Variants in SLC34A2 observed in about 807,000 individuals in gnomAD.
SLC34A2 encodes solute carrier family 34 member 2, also known as sodium-dependent phosphate transport protein 2B.
A neutral mutation model predicts 50.8 loss-of-function variants in SLC34A2; 41 were observed. The ratio of observed to expected loss-of-function variants is 0.81; its 90% CI spans 0.63 to 1.05. SLC34A2 has a LOEUF of 1.05. Ranked by LOEUF, SLC34A2 falls within the 50% of genes least tolerant of loss-of-function variation. The pLI, the probability that SLC34A2 is intolerant of heterozygous loss-of-function variation, is 0.00. For missense variants in SLC34A2, 879 were observed against 876.7 expected (o/e 1.00, Z -0.03); for synonymous variants, 401 against 364.2 (o/e 1.10, Z -1.15).
chr4:25,675,570 A>G (rs763992004), intron 12 of SLC34A2, among the ~76,000 whole-genome samples: 17 of 152,262 alleles, frequency 1.1e-4, no homozygotes, highest in Non-Finnish European at 8.8e-5. Flanking sequence ...TTTTAAAAGT[A>G]GAAACAGGCT....
At chr4:25,672,900 CAT>C (rs1714893936) in intron 9 of SLC34A2, among the ~76,000 whole-genome samples, 185 bp from the exon 10 acceptor site, 1 of 152,158 alleles carries the variant, frequency 6.6e-6, no homozygotes, top group African/African-American at 2.4e-5. Flanking sequence ...CTGATTATGA[CAT>C]AGTTTCAGTG....
intron 4 of SLC34A2, 42 bp from the exon 5 acceptor site, chr4:25,666,086 T>A (rs751073829): frequency 6.2e-6 from 10 of 1,608,130 alleles, no homozygotes; most frequent in Non-Finnish European, 7.6e-6. Context: ...TCCCCCTCGA[T>A]CACGTTGTGA....
chr4:25,676,452 C>G lies in SLC34A2; in HGVS notation c.1776C>G (p.Phe592Leu). The G allele has an allele frequency of 6.2e-7, 1 of 1,614,206 alleles. No homozygotes were observed. The highest frequency in any genetic ancestry group is 8.5e-7 in the Non-Finnish European group (1 of 1,180,028). The change falls in exon 13 of 13, where the codon TTC becomes TTG. Residue 592 changes from phenylalanine to leucine, a missense_variant. Transcript: ENST00000382051. ...VLPKKLQNWN[F>L]LPLWMRSLKP... ...CGAAGAAACTCCAGAACTGGAACTT[C>G]CTGCCGCTGTGGATGCGCTCGCTGA...
At chr4:25,664,387 T>C (rs1440744015) in intron 4 of SLC34A2, 57 bp downstream of exon 4, 2 of 1,605,070 alleles carry the variant, frequency 1.2e-6, no homozygotes, top group Non-Finnish European at 1.7e-6. Flanking sequence ...GAAATGTGGT[T>C]CCGAGAGTAA....
rs1398555698 is a variant in SLC34A2 at position 25,678,312 on chromosome 4, A to G, written c.*1563A>G. On this transcript the variant is annotated 3_prime_UTR_variant, in exon 13 of 13. Coordinates refer to ENST00000382051, the MANE Select transcript of SLC34A2 (RefSeq NM_006424.3). ...CACAGCCCTGTACAGCATTTTTCAT[A>G]AGTTATATAGTAAATGGTCTGCATG... 6.5e-6 allele frequency: 1 copy of G among 154,014 alleles called. No individual in the cohort carries two copies. Among genetic ancestry groups the G allele is most frequent in the Admixed American group, 6.5e-5 (1 of 15,474 alleles). The allele number at this position is 154,014 out of a possible 1,614,324, so 9.5% of individuals were successfully genotyped here.
chr4:25,656,056 C>T (rs1410257996), intron 1 of SLC34A2, among the ~76,000 whole-genome samples, 166 bp downstream of exon 1: 1 of 152,244 alleles, frequency 6.6e-6, no homozygotes, highest in African/African-American at 2.4e-5. Flanking sequence ...TTGTTTTCTT[C>T]TTAATGTTAC....
chr4:25,676,574 G>A lies in SLC34A2; in HGVS notation c.1898G>A (p.Cys633Tyr), dbSNP rs1477308873. The A allele has an allele frequency of 1.9e-6, 3 of 1,613,116 alleles. No homozygotes were observed. The highest frequency in any genetic ancestry group is 2.7e-5 in the African/African-American group (2 of 74,924). The part of the protein sequence containing the change: ...RVCCRACCLL[C>Y]DCPKCCRCSK... ...TGCTGCCGCGCGTGCTGCTTGCTGTGTGACTGCCCCAAGTGCTGCCGCTGC... is the reference window on the plus strand; with the variant it reads ...TGCTGCCGCGCGTGCTGCTTGCTGTATGACTGCCCCAAGTGCTGCCGCTGC... Residue 633 changes from cysteine (C) to tyrosine (Y), a missense_variant, in exon 13 of 13, where the codon TGT (cysteine) becomes TAT (tyrosine). Transcript: ENST00000382051.
In SLC34A2 at chr4:25,674,520, C is replaced by G; in HGVS notation, c.1349C>G (p.Thr450Ser). 6.2e-7 allele frequency: 1 copy of G among 1,614,222 alleles called. No individual in the cohort carries two copies. The highest frequency in any genetic ancestry group is 8.5e-7 in the Non-Finnish European group (1 of 1,180,052). Residue 450 changes from threonine (T) to serine (S), a missense_variant, in exon 12 of 13, where the codon ACC becomes AGC. Transcript: ENST00000382051. Reference protein sequence around the residue: ...LTPLIGIGVITIERAYPLTLG... With the variant: ...LTPLIGIGVISIERAYPLTLG... ...TTTCCCCCAGGAATCGGCGTGATAA[C>G]CATTGAGAGGGCTTATCCACTCACG...
chr4:25,668,081 T>C (rs1469261003), intron 6 of SLC34A2, 90 bp downstream of exon 6: 2 of 829,034 alleles, frequency 2.4e-6, no homozygotes, highest in Non-Finnish European at 2.1e-6. Context: ...AAAGATGACA[T>C]GCTTATCAGG....
Position 25,676,172 on chromosome 4 carries a change from T to C in SLC34A2, c.1496T>C (p.Ile499Thr). 1.2e-6 allele frequency: 2 copies of C among 1,614,200 alleles called. No homozygotes were observed. The highest frequency in any genetic ancestry group is 1.7e-6 in the Non-Finnish European group (2 of 1,180,044). ...CACTTTTTCTTCAACATCTCCGGCA[T>C]CTTGCTGTGGTACCCGATCCCGTTC... ...LCHFFFNISG[I>T]LLWYPIPFTR... The change falls in exon 13 of 13, where the codon ATC becomes ACC. Residue 499 changes from isoleucine (I) to threonine (T), a missense_variant. Ile to Thr is a moderately conservative substitution (Grantham distance 89). Coordinates refer to ENST00000382051, the MANE Select transcript of SLC34A2 (RefSeq NM_006424.3).
rs777185101 is a variant in SLC34A2, at chr4:25,676,394, G to A, written c.1718G>A (p.Arg573Gln). ...ATCATCATCCTGGTACTGTGCCTCC[G>A]ACTCCTGCAGTCTCGCTGCCCACGC... is the stretch of plus-strand genomic sequence containing the variant. ...VFIIILVLCL[R>Q]LLQSRCPRVL... is the part of the protein sequence containing the mutation. The change falls in exon 13 of 13, where the codon CGA becomes CAA. Residue 573 changes from arginine (R) to glutamine (Q), a missense_variant. Transcript: ENST00000382051. 2 of 1,614,016 alleles carry A rather than the reference G, an allele frequency of 1.2e-6. No individual in the cohort carries two copies. Among genetic ancestry groups the A allele is most frequent in the South Asian group, 1.1e-5 (1 of 91,072 alleles).
At chr4:25,670,699 G>A (rs376213897) in intron 7 of SLC34A2, 39 bp from the exon 8 acceptor site, 316 of 1,524,538 alleles carry the variant, frequency 2.1e-4, no homozygotes, top group Non-Finnish European at 2.1e-4. Flanking sequence ...AATCGGTTCT[G>A]AGGATATGCT....
chr4:25,663,327 G>C (rs900414726), intron 3 of SLC34A2, among the ~76,000 whole-genome samples: 7 of 152,274 alleles, frequency 4.6e-5, no homozygotes, highest in Middle Eastern at 3.4e-3. Context: ...AATGTGCCAG[G>C]CACTGTGGTT....
chr4:25,669,707 G>A lies in SLC34A2; in HGVS notation c.696G>A (p.Leu232=), dbSNP rs1714711077. 1 of 1,614,138 alleles carries A rather than the reference G, an allele frequency of 6.2e-7. No individual in the cohort carries two copies. The highest frequency in any genetic ancestry group is 8.5e-7 in the Non-Finnish European group (1 of 1,180,020). The change falls in exon 7 of 13, where the codon TTG becomes TTA. Residue 232 remains leucine, a synonymous_variant. Transcript: ENST00000382051. ...ACTGGCTGTCCGTGTTGGTGCTCTTGCCCGTGGAGGTGGCCACCCATTACC... is the reference window on the plus strand; with the variant it reads ...ACTGGCTGTCCGTGTTGGTGCTCTTACCCGTGGAGGTGGCCACCCATTACC... ...FFNWLSVLVL[L]PVEVATHYLE...
chr4:25,656,406 A>G (rs901582621), intron 1 of SLC34A2: 33 of 152,268 alleles, frequency 2.2e-4, no homozygotes, highest in African/African-American at 7.5e-4. Context: ...CCCAAGTGTG[A>G]CTTCCACGTG....
intron 6 of SLC34A2, 106 bp downstream of exon 6, chr4:25,668,097 T>TAGGAA: frequency 3.9e-6 from 3 of 769,606 alleles, no homozygotes; most frequent in Non-Finnish European, 6.9e-6. Flanking sequence ...TCAGGTTCAT[T>TAGGAA]CCTGGAGTTC....
At chr4:25,673,316 C>T (rs1714925711) in intron 10 of SLC34A2, 62 bp downstream of exon 10, 1 of 1,487,382 alleles carries the variant, frequency 6.7e-7, no homozygotes, top group East Asian at 2.3e-5. Context: ...TGTGGGGGTC[C>T]TTTAGATTCC....
At chr4:25,659,313 G>GAC (rs1714058979) in intron 1 of SLC34A2, among the ~76,000 whole-genome samples, 2 of 152,036 alleles carry the variant, frequency 1.3e-5, no homozygotes, top group African/African-American at 4.8e-5. Flanking sequence ...AACTGTATAG[G>GAC]ACACTCCTCT....
chr4:25,674,561 G>C lies in SLC34A2; in HGVS notation c.1390G>C (p.Gly464Arg), dbSNP rs115151720. Residue 464 changes from glycine to arginine, a missense_variant, in exon 12 of 13, where the codon GGC becomes CGC. By Grantham distance (125) the Gly-to-Arg change is moderately radical (BLOSUM62 -2). Transcript: ENST00000382051. ...AYPLTLGSNI[G>R]TTTTAILAAL... ...TCCACTCACGCTGGGCTCCAACATCGGCACCACCACCACCGCCATCCTGGC... is the reference window on the plus strand; with the variant it reads ...TCCACTCACGCTGGGCTCCAACATCCGCACCACCACCACCGCCATCCTGGC... 8 of 1,614,040 alleles carry C rather than the reference G, an allele frequency of 5.0e-6. No individual in the cohort carries two copies. The Admixed American group carries it at 6.7e-5, about 13-fold the overall frequency.
Sources: gnomAD v4.1 joint callset for allele counts (sites outside exome capture counted in the v4.1 genomes callset) on GRCh38, gnomAD v4.1.1 for gene constraint, MANE v1.5 for transcripts, NCBI Gene and HGNC (gene_info 2026-07-23, HGNC 2026-07-21) for gene names.